MYO1D: variants seen among roughly 807,000 people sequenced by gnomAD.
MYO1D encodes unconventional myosin-Id.
Under a neutral mutation model 122.0 loss-of-function variants are expected in MYO1D, and 83 were observed. That is an observed-to-expected ratio of 0.68 (90% confidence interval 0.57 to 0.82). MYO1D has a LOEUF of 0.82. Among genes scored for constraint, MYO1D ranks in the 40% least tolerant of loss-of-function variants. The pLI, the probability that MYO1D is intolerant of heterozygous loss-of-function variation, is 0.00. For synonymous variants in MYO1D, 464 were observed against 446.9 expected (o/e 1.04, Z -0.48); for missense variants, 1,157 against 1,269.5 (o/e 0.91, Z 1.35).
intron 1 of MYO1D, among the ~76,000 whole-genome samples, chr17:32,855,674 G>A (rs991341335): frequency 6.6e-6 from 1 of 152,108 alleles, no homozygotes; most frequent in African/African-American, 2.4e-5. Context: ...TGCAGGTCTA[G>A]TATTATTTCT....
intron 1 of MYO1D, among the ~76,000 whole-genome samples, chr17:32,825,217 T>C (rs976066294): frequency 6.6e-6 from 1 of 152,216 alleles, no homozygotes; most frequent in African/African-American, 2.4e-5. Flanking sequence ...ATTTCCATAA[T>C]ACATTACTTT....
intron 15 of MYO1D, among the ~76,000 whole-genome samples, chr17:32,719,382 C>T (rs2089483856): frequency 7.0e-6 from 1 of 143,214 alleles, no homozygotes; most frequent in South Asian, 2.2e-4. Context: ...CGGAGTCTCG[C>T]TCTGTCACCC....
chr17:32,686,868 A>C (rs1424554475), intron 16 of MYO1D, among the ~76,000 whole-genome samples: 1 of 151,564 alleles, frequency 6.6e-6, no homozygotes, highest in Non-Finnish European at 1.5e-5. Context: ...CCCTGTTTCA[A>C]AGCGGGAGGG....
intron 1 of MYO1D, among the ~76,000 whole-genome samples, chr17:32,866,827 G>A (rs1183423060): frequency 2.6e-5 from 4 of 152,174 alleles, no homozygotes; most frequent in African/African-American, 9.7e-5. Flanking sequence ...GATGGCTCAG[G>A]CCACAGGGCA....
intron 1 of MYO1D, among the ~76,000 whole-genome samples, chr17:32,827,525 C>T (rs1296046474): frequency 6.6e-6 from 1 of 152,100 alleles, no homozygotes; most frequent in African/African-American, 2.4e-5. Context: ...TACAGAAATA[C>T]TGAACTGTAC....
Position 32,524,041 on chromosome 17 carries a change from CA to C in MYO1D, c.2865-29127del, listed in dbSNP as rs1448182457. ...CCTGGAGCACAGTGCCGTGCGTAAT[CA>C]GCATGTGCTGCTGCTATTATGATTG... On this transcript the variant is annotated intron_variant, in intron 21 of 21. Transcript: ENST00000318217. Among the ~76,000 whole-genome samples the C allele has an allele frequency of 5.9e-5, 9 of 152,336 alleles. No homozygotes were observed. The East Asian group carries it at 1.7e-3, about 29-fold the overall frequency.
intron 16 of MYO1D, among the ~76,000 whole-genome samples, chr17:32,696,345 C>T (rs1358351814): frequency 6.6e-6 from 1 of 151,594 alleles, no homozygotes; most frequent in Non-Finnish European, 1.5e-5. Flanking sequence ...TGGACCTATA[C>T]AAATTTTAAA....
At chr17:32,591,906 T>C (rs925435550) in intron 21 of MYO1D, among the ~76,000 whole-genome samples, 1 of 152,148 alleles carries the variant, frequency 6.6e-6, no homozygotes, top group Non-Finnish European at 1.5e-5. Context: ...GTTATTCTAA[T>C]GCCGATGGAG....
intron 1 of MYO1D, among the ~76,000 whole-genome samples, chr17:32,828,349 T>C (rs920819848): frequency 2.6e-5 from 4 of 151,678 alleles, no homozygotes; most frequent in Admixed American, 2.0e-4. Context: ...ACCCCGTCTC[T>C]ACTAAAAATA....
chr17:32,712,296 C>A, intron 15 of MYO1D, 101 bp from the exon 16 acceptor site: 1 of 1,005,514 alleles, frequency 9.9e-7, no homozygotes, highest in Non-Finnish European at 1.5e-6. Context: ...AAAACCAAAT[C>A]TTAGCAAACT....
At chr17:32,634,298 C>A (rs967034949) in intron 20 of MYO1D, among the ~76,000 whole-genome samples, 1 of 152,162 alleles carries the variant, frequency 6.6e-6, no homozygotes, top group African/African-American at 2.4e-5. Context: ...CTGCAAAAAG[C>A]AACTCTCAAG....
chr17:32,644,221 C>T (rs1180189175), intron 19 of MYO1D, among the ~76,000 whole-genome samples: 1 of 152,114 alleles, frequency 6.6e-6, no homozygotes, highest in Admixed American at 6.5e-5. Flanking sequence ...TGTAGTTGAG[C>T]AGTTTTGAGT....
intron 1 of MYO1D, among the ~76,000 whole-genome samples, chr17:32,815,319 C>T (rs1225848516): frequency 1.3e-5 from 2 of 152,182 alleles, no homozygotes; most frequent in Admixed American, 6.5e-5. Flanking sequence ...AAAGATTTTC[C>T]AGCTCTTGAC....
chr17:32,837,926 A>G (rs1183079009), intron 1 of MYO1D, among the ~76,000 whole-genome samples: 2 of 152,114 alleles, frequency 1.3e-5, no homozygotes, highest in East Asian at 1.9e-4. Context: ...AGTGCTTTTT[A>G]GAGTTCTTCT....
chr17:32,772,590 G>C (rs2082402454), intron 5 of MYO1D, among the ~76,000 whole-genome samples, 199 bp downstream of exon 5: 2 of 152,210 alleles, frequency 1.3e-5, no homozygotes, highest in South Asian at 4.1e-4. Context: ...TGCCAGCTGG[G>C]TGGAACAGTC....
At chr17:32,600,938 A>G (rs578209039) in intron 21 of MYO1D, among the ~76,000 whole-genome samples, 1 of 147,828 alleles carries the variant, frequency 6.8e-6, no homozygotes, top group Non-Finnish European at 1.5e-5. Context: ...AATCATTTCT[A>G]GCTTTTTCTT....
intron 16 of MYO1D, among the ~76,000 whole-genome samples, chr17:32,671,965 T>G (rs948552618): frequency 1.1e-4 from 16 of 152,208 alleles, no homozygotes; most frequent in African/African-American, 3.9e-4. Context: ...ATATTATCTA[T>G]CCTGACCACA....
At chr17:32,807,781 G>A (rs1464365772) in intron 1 of MYO1D, among the ~76,000 whole-genome samples, 4 of 151,974 alleles carry the variant, frequency 2.6e-5, no homozygotes, top group Admixed American at 2.6e-4. Flanking sequence ...TGACAGAAAA[G>A]TTTATGTGAC....
chr17:32,661,565 G>T lies in MYO1D; in HGVS notation c.2122-2227C>A, dbSNP rs746500968. On this transcript the variant is annotated intron_variant, in intron 16 of 21. Transcript: ENST00000318217. ...AGCTTCTCAGGAGGCTTAGGTGGGA[G>T]GATTGCCTGAGTTCAGGAAGTTGAG... Among the ~76,000 whole-genome samples, 7 of 152,070 alleles carry T rather than the reference G, an allele frequency of 4.6e-5. No individual in the cohort carries two copies. The South Asian group carries it at 1.2e-3, about 27-fold the overall frequency.
Sources: gnomAD v4.1 joint callset for allele counts (sites outside exome capture counted in the v4.1 genomes callset) on GRCh38, gnomAD v4.1.1 for gene constraint, MANE v1.5 for transcripts, NCBI Gene and HGNC (gene_info 2026-07-23, HGNC 2026-07-21) for gene names.